SLC17A9: variants seen among roughly 807,000 people sequenced by gnomAD.
SLC17A9 encodes the protein voltage-gated purine nucleotide uniporter SLC17A9.
A neutral mutation model predicts 55.0 loss-of-function variants in SLC17A9; 49 were observed. That is an observed-to-expected ratio of 0.89 (90% CI 0.71 to 1.13). The LOEUF is 1.13. Among genes scored for constraint, SLC17A9 ranks in the 50% most tolerant of loss-of-function variants. The pLI is 0.00. For synonymous variants in SLC17A9, 256 were observed against 247.4 expected (o/e 1.03, Z -0.32); for missense variants, 526 against 569.3 (o/e 0.92, Z 0.77).
chr20:62,957,371 G>A, intron 2 of SLC17A9, 70 bp from the exon 3 acceptor site: 1 of 1,517,874 alleles, frequency 6.6e-7, no homozygotes. Flanking sequence ...CTCAAGGGCT[G>A]CCCTGAGTCA....
At position 62,962,549 on chromosome 20, in the gene SLC17A9, G is replaced by A; in HGVS notation, c.498-75G>A. On this transcript the variant is annotated intron_variant, in intron 4 of 12. Transcript: ENST00000370351. The surrounding 1 kb of genome is among the most constrained non-coding windows in gnomAD (Gnocchi z 5.5). ...CCAGGGGCTCAGCCTGCACCAGGGT[G>A]GGGTTTCTGAGAGGCCCCTCCTCAC... 1.3e-6 allele frequency: 2 copies of A among 1,553,802 alleles called. No individual in the cohort carries two copies. Among genetic ancestry groups the A allele is most frequent in the South Asian group, 1.2e-5 (1 of 83,308 alleles).
At chr20:62,959,237 C>CT (rs1426823767) in intron 3 of SLC17A9, among the ~76,000 whole-genome samples, 6 of 152,194 alleles carry the variant, frequency 3.9e-5, no homozygotes, top group African/African-American at 1.2e-4. Flanking sequence ...CTGGGGCAGG[C>CT]GGCTGTCCTC....
intron 3 of SLC17A9, among the ~76,000 whole-genome samples, chr20:62,959,424 T>C (rs758986352): frequency 5.3e-5 from 8 of 152,350 alleles, no homozygotes; most frequent in Admixed American, 2.6e-4. Flanking sequence ...TGTCATCCTG[T>C]GCCCATGAGC....
At position 62,964,222 on chromosome 20, in the gene SLC17A9, C is replaced by A. The variant is rs747794650; in HGVS notation, c.823-6C>A. On this transcript the variant is annotated splice_polypyrimidine_tract_variant and splice_region_variant and intron_variant, in intron 7 of 12. Transcript: ENST00000370351. Reference sequence around the variant, plus strand: ...GCCCCCTCTAAGGCCAAACTCCCCCCTGCAGGGCTGGATCTTCAACGTGGT... The same window carrying A: ...GCCCCCTCTAAGGCCAAACTCCCCCATGCAGGGCTGGATCTTCAACGTGGT... 1.9e-6 allele frequency: 3 copies of A among 1,614,056 alleles called. No homozygotes were observed. The highest frequency in any genetic ancestry group is 1.7e-4 in the Middle Eastern group (1 of 6,060).
chr20:62,957,352 G>A, intron 2 of SLC17A9, 89 bp from the exon 3 acceptor site: 5 of 1,507,628 alleles, frequency 3.3e-6, no homozygotes, highest in Non-Finnish European at 4.4e-6. Flanking sequence ...GCCCAGCTCT[G>A]AGCACCCACT....
rs780499281 is a variant in SLC17A9, at chr20:62,957,581, G to A, written c.397+1G>A. ...CGCATCCTCATGGGCTTGCTCCAAGGTAAGGGGAGCTCAGGCGGCTCCCTC... is the reference window on the plus strand; with the variant it reads ...CGCATCCTCATGGGCTTGCTCCAAGATAAGGGGAGCTCAGGCGGCTCCCTC... On this transcript the variant is annotated splice_donor_variant, in intron 3 of 12. Coordinates refer to ENST00000370351, the MANE Select transcript of SLC17A9 (RefSeq NM_022082.4). LOFTEE classifies it high-confidence loss of function. 6.5e-7 allele frequency: 1 copy of A among 1,544,610 alleles called. No homozygotes were observed. Among genetic ancestry groups the A allele is most frequent in the Admixed American group, 2.1e-5 (1 of 47,630 alleles).
chr20:62,963,672 G>T lies in SLC17A9; in HGVS notation c.814G>T (p.Asp272Tyr). The change falls in exon 7 of 13, where the codon GAC (aspartate) becomes TAC (tyrosine). Residue 272 changes from aspartate to tyrosine, a missense_variant. Physicochemically the swap from Asp to Tyr is radical, Grantham distance 160. Transcript: ENST00000370351. ...LPTFFEETFPDAKGWIFNVVP... is the reference protein window; with the variant it reads ...LPTFFEETFPYAKGWIFNVVP... ...CACCTTCTTCGAGGAGACCTTCCCC[G>T]ACGCCAAGGTGAGTCGGGGGCTCCC... 6.3e-7 allele frequency: 1 copy of T among 1,594,698 alleles called. No homozygotes were observed. The highest frequency in any genetic ancestry group is 1.1e-5 in the South Asian group (1 of 87,774).
chr20:62,962,485 T>G lies in SLC17A9; in HGVS notation c.498-139T>G. 1 of 1,126,638 alleles carries G rather than the reference T, an allele frequency of 8.9e-7. No individual in the cohort carries two copies. Among genetic ancestry groups the G allele is most frequent in the South Asian group, 1.6e-5 (1 of 64,402 alleles). The allele number at this position is 1,126,638 out of a possible 1,614,324, so 69.8% of individuals were successfully genotyped here. A position where few individuals can be genotyped will look rare whatever the true frequency, so the allele number is the denominator to read the frequency against. ...CAAAACAGGCCAGGACGGTGGCTTCTGAGCTGCTCCTCTGGAGGCGATGAA... is the reference window on the plus strand; with the variant it reads ...CAAAACAGGCCAGGACGGTGGCTTCGGAGCTGCTCCTCTGGAGGCGATGAA... On this transcript the variant is annotated intron_variant, in intron 4 of 12. Coordinates refer to ENST00000370351, the MANE Select transcript of SLC17A9 (RefSeq NM_022082.4). The surrounding 1 kb of genome is among the most constrained non-coding windows in gnomAD (Gnocchi z 5.5).
chr20:62,953,022 C>A (rs1234794252), intron 1 of SLC17A9, 133 bp downstream of exon 1: 3 of 1,222,388 alleles, frequency 2.5e-6, no homozygotes, highest in South Asian at 1.5e-5. Flanking sequence ...GGCTGTGGGG[C>A]CCCCTGTGTT....
chr20:62,966,681 T>C (rs1437100588), intron 11 of SLC17A9, 22 bp from the exon 12 acceptor site: 1 of 1,613,710 alleles, frequency 6.2e-7, no homozygotes, highest in East Asian at 2.2e-5. Context: ...CCATATTCTC[T>C]CTCGCTCTGG....
chr20:62,968,000 T>C lies in SLC17A9; in HGVS notation c.*500T>C, dbSNP rs1192167502. 2 of 153,660 alleles carry C rather than the reference T, an allele frequency of 1.3e-5. No homozygotes were observed. Among genetic ancestry groups the C allele is most frequent in the Non-Finnish European group, 2.9e-5 (2 of 69,066 alleles). 9.5% of individuals were successfully genotyped at this position (153,660 alleles called of 1,614,324 possible). A position where few individuals can be genotyped will look rare whatever the true frequency, so the allele number is the denominator to read the frequency against. On this transcript the variant is annotated 3_prime_UTR_variant, in exon 13 of 13. Coordinates refer to ENST00000370351, the MANE Select transcript of SLC17A9 (RefSeq NM_022082.4). The stretch of plus-strand genomic sequence containing the variant: ...CCTTGGTGGGAGCTGTCCTGCACAC[T>C]GTAGGATGCTTAAAGGTATCCCTGG...
rs2065656736 is a variant in SLC17A9 at position 62,968,136 on chromosome 20, CTG to C, written c.*640_*641del. 2 of 152,394 alleles carry C rather than the reference CTG, an allele frequency of 1.3e-5. No homozygotes were observed. Among genetic ancestry groups the C allele is most frequent in the African/African-American group, 4.8e-5 (2 of 41,462 alleles). The allele number at this position is 152,394 out of a possible 1,614,324, so 9.4% of individuals were successfully genotyped here. ...CCCTCGAGACACGACCTCAGAGTCT[CTG>C]TGTCTCCTAGAAGCCTGACAGAGAC... On this transcript the variant is annotated 3_prime_UTR_variant, in exon 13 of 13. Coordinates refer to ENST00000370351, the MANE Select transcript of SLC17A9 (RefSeq NM_022082.4).
chr20:62,960,255 G>C (rs1217599588), intron 3 of SLC17A9, among the ~76,000 whole-genome samples: 2 of 152,256 alleles, frequency 1.3e-5, no homozygotes, highest in East Asian at 1.9e-4. Flanking sequence ...CGCGGGGTGG[G>C]AGGGCTAGCT....
rs532455814 is a variant in SLC17A9 at position 62,964,658 on chromosome 20, C to T, written c.910+343C>T. On this transcript the variant is annotated intron_variant, in intron 8 of 12. Coordinates refer to ENST00000370351, the MANE Select transcript of SLC17A9 (RefSeq NM_022082.4). ...TCCAGACCCACGCTGGGATGAGCCC[C>T]GAGCGGGCTGCGTGTTTCTTCCCCT... is the stretch of plus-strand genomic sequence containing the variant. 3.3e-5 allele frequency among the ~76,000 whole-genome samples: 5 copies of T among 152,350 alleles called. No individual in the cohort carries two copies. In the South Asian group the frequency reaches 1.0e-3, roughly 32 times the overall value.
chr20:62,966,720 G>A lies in SLC17A9; in HGVS notation c.1135G>A (p.Gly379Arg), dbSNP rs371630761. Reference protein sequence around the residue: ...GFLFGVANTAGALAGVVGVCL... With the variant: ...GFLFGVANTARALAGVVGVCL... ...CTTCACAGGTGTGGCCAACACAGCC[G>A]GGGCCTTGGCAGGTGAGGGGCGGGC... Residue 379 changes from glycine (G) to arginine (R), a missense_variant, in exon 12 of 13, where the codon GGG (glycine) becomes AGG (arginine). Physicochemically the swap from Gly to Arg is moderately radical, Grantham distance 125. Coordinates refer to ENST00000370351, the MANE Select transcript of SLC17A9 (RefSeq NM_022082.4). 3.8e-5 allele frequency: 61 copies of A among 1,612,040 alleles called. No individual in the cohort carries two copies. The Admixed American group carries it at 7.4e-4, about 20-fold the overall frequency.
At chr20:62,956,027 C>T (rs1171518344) in intron 1 of SLC17A9, among the ~76,000 whole-genome samples, 1 of 152,240 alleles carries the variant, frequency 6.6e-6, no homozygotes, top group Non-Finnish European at 1.5e-5. Context: ...TGGGGAGGGG[C>T]TGGAGCCAGG....
intron 1 of SLC17A9, among the ~76,000 whole-genome samples, chr20:62,956,177 G>A (rs1360678217): frequency 1.3e-5 from 2 of 152,174 alleles, no homozygotes; most frequent in African/African-American, 4.8e-5. Context: ...CTGTGACCTC[G>A]GGCATGGTCA....
At position 62,952,869 on chromosome 20, in the gene SLC17A9, C is replaced by CG; in HGVS notation, c.43dup (p.Asp15GlyfsTer76). On this transcript the variant is annotated frameshift_variant, in exon 1 of 13. Coordinates refer to ENST00000370351, the MANE Select transcript of SLC17A9 (RefSeq NM_022082.4). LOFTEE classifies it high-confidence loss of function. ...CAGACGAGGCCCGCAGGGACATGGCCGGGGACACCCAGTGGTCCAGGTGTG... is the reference window on the plus strand; with the variant it reads ...CAGACGAGGCCCGCAGGGACATGGCCGGGGGACACCCAGTGGTCCAGGTGTG... 8.6e-7 allele frequency: 1 copy of CG among 1,157,320 alleles called. No individual in the cohort carries two copies. Among genetic ancestry groups the CG allele is most frequent in the Middle Eastern group, 3.8e-4 (1 of 2,636 alleles). The allele number at this position is 1,157,320 out of a possible 1,614,324, so 71.7% of individuals were successfully genotyped here.
chr20:62,957,347 G>A (rs925276569), intron 2 of SLC17A9, 94 bp from the exon 3 acceptor site: 36 of 1,506,594 alleles, frequency 2.4e-5, no homozygotes, highest in Non-Finnish European at 3.1e-5. Flanking sequence ...GCCAGGCCCA[G>A]CTCTGAGCAC....
Sources: allele counts gnomAD v4.1 joint callset (sites outside exome capture counted in the v4.1 genomes callset), GRCh38; gene constraint gnomAD v4.1.1; non-coding constraint Gnocchi (gnomAD v3.1); transcripts MANE v1.5; gene names NCBI Gene and HGNC (gene_info 2026-07-23, HGNC 2026-07-21).